Variants in ALKBH1 observed in about 807,000 individuals in gnomAD.
The protein encoded by ALKBH1 is nucleic acid dioxygenase ALKBH1.
In ALKBH1, 31 loss-of-function variants were observed where a neutral mutation model predicts 36.6. The ratio of observed to expected loss-of-function variants is 0.85; its 90% CI spans 0.64 to 1.14. ALKBH1 has a LOEUF of 1.14. ALKBH1 is among the 50% of genes most tolerant of loss of function. ALKBH1 has a pLI of 0.00. For missense variants in ALKBH1, 490 were observed against 497.3 expected, an observed-to-expected ratio of 0.99 and a Z score of 0.14; for synonymous variants, 183 against 186.6, an observed-to-expected ratio of 0.98 and a Z score of 0.16.
In ALKBH1 at chr14:77,695,962, C is replaced by T. The variant is rs537686868; in HGVS notation, c.293-1062G>A. 6.6e-5 allele frequency among the ~76,000 whole-genome samples: 10 copies of T among 152,034 alleles called. No individual in the cohort carries two copies. The East Asian group carries it at 1.2e-3, about 18-fold the overall frequency. ...CAAAAATTAGTTGGGCGTGGTGGCA[C>T]GCACCTGTAATCCCAGCTACTCAGG... is the stretch of plus-strand genomic sequence containing the variant. On this transcript the variant is annotated intron_variant, in intron 2 of 5. Transcript: ENST00000216489.
chr14:77,673,970 G>A lies in ALKBH1; in HGVS notation c.1012C>T (p.Arg338Cys), dbSNP rs770216138. The change falls in exon 6 of 6, where the codon CGT becomes TGT. Residue 338 changes from arginine to cysteine, a missense_variant. Coordinates refer to ENST00000216489, the MANE Select transcript of ALKBH1 (RefSeq NM_006020.3). ...QVCASYLKTA[R>C]VNMTVRQVLA... ...ACCTGTCGGACAGTCATGTTAACACGAGCGGTCTTCAAGTAGCTGGCACAC... is the reference window on the plus strand; with the variant it reads ...ACCTGTCGGACAGTCATGTTAACACAAGCGGTCTTCAAGTAGCTGGCACAC... The A allele has an allele frequency of 5.0e-6, 8 of 1,614,124 alleles. No homozygotes were observed. The East Asian group carries it at 6.7e-5, about 13-fold the overall frequency.
intron 2 of ALKBH1, chr14:77,696,982 G>T: frequency 6.3e-6 from 1 of 158,056 alleles, no homozygotes; most frequent in South Asian, 1.7e-4. Flanking sequence ...TCAATGCCCT[G>T]ACTGAGACAA....
chr14:77,674,387 C>A, intron 5 of ALKBH1, 146 bp from the exon 6 acceptor site: 1 of 988,152 alleles, frequency 1.0e-6, no homozygotes, highest in Non-Finnish European at 1.4e-6. Flanking sequence ...TTAAACTGTG[C>A]TAAGATCCTT....
At chr14:77,681,274 A>G (rs1297777410) in intron 3 of ALKBH1, among the ~76,000 whole-genome samples, 1 of 152,202 alleles carries the variant, frequency 6.6e-6, no homozygotes, top group Admixed American at 6.5e-5. Context: ...GAGGGGCACG[A>G]GAATTAAGAA....
intron 1 of ALKBH1, among the ~76,000 whole-genome samples, chr14:77,706,107 A>ATG (rs869079454): frequency 9.6e-6 from 1 of 103,762 alleles, no homozygotes; most frequent in Non-Finnish European, 2.1e-5. Context: ...ACACACACAC[A>ATG]TATATATATA....
At chr14:77,692,554 C>G (rs983843537) in intron 3 of ALKBH1, among the ~76,000 whole-genome samples, 4 of 152,158 alleles carry the variant, frequency 2.6e-5, no homozygotes, top group African/African-American at 9.7e-5. Flanking sequence ...TGACAGGGGG[C>G]GAAGCTCAGG....
At chr14:77,694,650 T>C in intron 3 of ALKBH1, 88 bp downstream of exon 3, 2 of 1,134,752 alleles carry the variant, frequency 1.8e-6, no homozygotes, top group Non-Finnish European at 1.2e-6. Context: ...CCAGTCACTT[T>C]TACTGCATTG....
intron 3 of ALKBH1, among the ~76,000 whole-genome samples, chr14:77,680,435 A>G (rs1256392291): frequency 6.6e-6 from 1 of 151,608 alleles, no homozygotes; most frequent in Non-Finnish European, 1.5e-5. Context: ...CAGGTTGGGG[A>G]AAAAAAAAGT....
intron 3 of ALKBH1, among the ~76,000 whole-genome samples, chr14:77,693,032 C>T (rs2080306496): frequency 6.6e-6 from 1 of 151,440 alleles, no homozygotes; most frequent in South Asian, 2.1e-4. Context: ...ATGGAGAAAC[C>T]CCTACCTCTA....
chr14:77,698,591 A>G (rs2139862484), intron 2 of ALKBH1, among the ~76,000 whole-genome samples: 1 of 152,226 alleles, frequency 6.6e-6, no homozygotes, highest in East Asian at 1.9e-4. Flanking sequence ...AGGATTTTAA[A>G]AACAGATGAA....
At chr14:77,703,432 C>A (rs973080637) in intron 2 of ALKBH1, among the ~76,000 whole-genome samples, 2 of 151,710 alleles carry the variant, frequency 1.3e-5, no homozygotes, top group African/African-American at 2.4e-5. Context: ...GCTGGGACTA[C>A]AGGGGCCCGC....
Position 77,675,806 on chromosome 14 carries a change from C to A in ALKBH1, c.590G>T (p.Gly197Val), listed in dbSNP as rs543822365. The stretch of plus-strand genomic sequence containing the variant: ...AGCGGCTACTTGCTCTGAGAGGAAA[C>A]CCAGGTCAGAAGGGAAAGGTGTGTA... ...DHYTPFPSDLGFLSEQVAAAC... is the reference protein window; with the variant it reads ...DHYTPFPSDLVFLSEQVAAAC... The change falls in exon 5 of 6, where the codon GGT becomes GTT. Residue 197 changes from glycine to valine, a missense_variant. Gly to Val is a moderately radical substitution (Grantham distance 109). Transcript: ENST00000216489. 6.2e-7 allele frequency: 1 copy of A among 1,613,932 alleles called. No homozygotes were observed. Among genetic ancestry groups the A allele is most frequent in the African/African-American group, 1.3e-5 (1 of 74,960 alleles).
In ALKBH1 at chr14:77,708,022, C is replaced by A. The variant is rs1172468763; in HGVS notation, c.-18G>T. On this transcript the variant is annotated 5_prime_UTR_variant, in exon 1 of 6. Transcript: ENST00000216489. ...TTCCCCATCTCGCGGCCTATACCCT[C>A]TGATCCGGAAGCAGATTCTCTCGTG... 1.2e-6 allele frequency: 2 copies of A among 1,609,362 alleles called. No homozygotes were observed. Among genetic ancestry groups the A allele is most frequent in the Admixed American group, 1.7e-5 (1 of 59,304 alleles).
chr14:77,701,665 C>A (rs1025671226), intron 2 of ALKBH1, among the ~76,000 whole-genome samples: 7 of 152,148 alleles, frequency 4.6e-5, no homozygotes, highest in Non-Finnish European at 1.0e-4. Context: ...GAAGTAAACA[C>A]AATCCTTTTG....
chr14:77,689,369 ATTC>A (rs2080285752), intron 3 of ALKBH1, among the ~76,000 whole-genome samples: 1 of 152,128 alleles, frequency 6.6e-6, no homozygotes, highest in Non-Finnish European at 1.5e-5. Flanking sequence ...ACTGGCTTTT[ATTC>A]TTCTTCATAG....
intron 1 of ALKBH1, among the ~76,000 whole-genome samples, chr14:77,707,186 T>C (rs2080398270): frequency 6.6e-6 from 1 of 152,224 alleles, no homozygotes. Flanking sequence ...GTTCAAGCGA[T>C]CCACCCGCCT....
intron 3 of ALKBH1, among the ~76,000 whole-genome samples, chr14:77,690,282 G>T (rs2080290125): frequency 6.6e-6 from 1 of 152,250 alleles, no homozygotes; most frequent in Non-Finnish European, 1.5e-5. Flanking sequence ...GGTAGGAAAT[G>T]AGAGTAGAGA....
Position 77,674,040 on chromosome 14 carries a change from C to T in ALKBH1, c.942G>A (p.Pro314=), listed in dbSNP as rs746317068. ...AACAAGGCTCTACCATTGAATCTCT[C>T]GGGAGGACAGCAGGGAGAGGTGCCT... is the stretch of plus-strand genomic sequence containing the variant. The part of the protein sequence containing the change: ...CLEAPLPAVL[P]RDSMVEPCSM... The change falls in exon 6 of 6, where the codon CCG becomes CCA. Residue 314 remains proline, a synonymous_variant. Coordinates refer to ENST00000216489, the MANE Select transcript of ALKBH1 (RefSeq NM_006020.3). 1.3e-5 allele frequency: 21 copies of T among 1,614,038 alleles called. No homozygotes were observed. The Admixed American group carries it at 1.3e-4, about 10-fold the overall frequency.
intron 5 of ALKBH1, 130 bp downstream of exon 5, chr14:77,675,526 C>A: frequency 1.5e-6 from 1 of 654,664 alleles, no homozygotes; most frequent in Non-Finnish European, 2.4e-6. Context: ...TTAAAATTCC[C>A]AGAAGTGGAA....
Sources: allele counts gnomAD v4.1 joint callset (sites outside exome capture counted in the v4.1 genomes callset), GRCh38; gene constraint gnomAD v4.1.1; transcripts MANE v1.5; gene names NCBI Gene and HGNC (gene_info 2026-07-23, HGNC 2026-07-21).